The following TIMP2 variants were observed in gnomAD, a reference collection of about 807,000 sequenced individuals.
TIMP2 encodes the protein metalloproteinase inhibitor 2.
In TIMP2, 5 loss-of-function variants were observed where a neutral mutation model predicts 24.3. That is an observed-to-expected ratio of 0.21 (90% CI 0.11 to 0.43). The LOEUF is 0.43. Ranked by LOEUF, TIMP2 falls within the 20% of genes least tolerant of loss-of-function variation. The pLI is 1.00. For missense variants in TIMP2, 221 were observed against 297.5 expected (o/e 0.74, Z 1.89); for synonymous variants, 130 against 123.2 (o/e 1.06, Z -0.37).
At chr17:78,882,049 C>T (rs1019011954) in intron 1 of TIMP2, among the ~76,000 whole-genome samples, 5 of 152,222 alleles carry the variant, frequency 3.3e-5, no homozygotes, top group Admixed American at 1.3e-4. Flanking sequence ...ACTGCAACCT[C>T]GGCCTCCTGG....
chr17:78,916,616 G>A (rs1474279151), intron 1 of TIMP2, among the ~76,000 whole-genome samples: 1 of 152,096 alleles, frequency 6.6e-6, no homozygotes, highest in African/African-American at 2.4e-5. Flanking sequence ...GTGCAGGTGG[G>A]AGCTCTGCTC....
rs62074406 is a variant in TIMP2 at position 78,920,270 on chromosome 17, C to T, written c.130+4689G>A. On this transcript the variant is annotated intron_variant, in intron 1 of 4. Coordinates refer to ENST00000262768, the MANE Select transcript of TIMP2 (RefSeq NM_003255.5). The surrounding 1 kb of genome is among the most constrained non-coding windows in gnomAD (Gnocchi z 4.5). ...TGGCATCTACCTAGCAACCTGGCTG[C>T]GACAGCAGGGAGGAGGGAGGCAGTA... 0.063 allele frequency among the ~76,000 whole-genome samples: 9,655 copies of T among 152,230 alleles called. 477 individuals carry two copies. The highest frequency in any genetic ancestry group is 0.14 in the African/African-American group (5,721 of 41,512).
intron 1 of TIMP2, among the ~76,000 whole-genome samples, chr17:78,883,219 C>T (rs1389328377): frequency 6.6e-6 from 1 of 152,214 alleles, no homozygotes; most frequent in African/African-American, 2.4e-5. Context: ...TAGGAGCACA[C>T]TGGACATCCG....
At chr17:78,894,591 G>T (rs2069968735) in intron 1 of TIMP2, among the ~76,000 whole-genome samples, 1 of 152,144 alleles carries the variant, frequency 6.6e-6, no homozygotes, top group African/African-American at 2.4e-5. Context: ...TGCTGGCACA[G>T]TTGGATATCC....
At chr17:78,902,805 G>C (rs2070115776) in intron 1 of TIMP2, 1 of 152,352 alleles carries the variant, frequency 6.6e-6, no homozygotes. Flanking sequence ...ACCCAGCCTA[G>C]GTCAGGGGTC....
chr17:78,865,653 G>A (rs895196967), intron 3 of TIMP2, among the ~76,000 whole-genome samples: 1 of 146,560 alleles, frequency 6.8e-6, no homozygotes, highest in Non-Finnish European at 1.5e-5. Context: ...TTAGCTGGGC[G>A]TGGTGTTGGG....
chr17:78,863,281 C>T (rs559466071), intron 3 of TIMP2, among the ~76,000 whole-genome samples: 8 of 152,156 alleles, frequency 5.3e-5, no homozygotes, highest in African/African-American at 1.9e-4. Context: ...CTTGCTCTGT[C>T]GCCCAGGCTA....
intron 1 of TIMP2, among the ~76,000 whole-genome samples, chr17:78,910,522 T>C (rs9909799): frequency 1 from 152,084 of 152,340 alleles, 75,919 homozygotes; most frequent in Middle Eastern, 1. Flanking sequence ...AACAGTGACA[T>C]GGAACACTAT....
intron 1 of TIMP2, among the ~76,000 whole-genome samples, chr17:78,908,122 G>T (rs963180656): frequency 2.0e-5 from 3 of 152,122 alleles, no homozygotes; most frequent in Non-Finnish European, 2.9e-5. Context: ...GTGACAAAGC[G>T]AGACACTGTC....
chr17:78,896,752 G>T lies in TIMP2; in HGVS notation c.131-22833C>A, dbSNP rs1234541049. On this transcript the variant is annotated intron_variant, in intron 1 of 4. Transcript: ENST00000262768. This position sits in a 1 kb window ranked among gnomAD's most constrained non-coding sequence, Gnocchi z 4.4. The stretch of plus-strand genomic sequence containing the variant: ...AGGAAGGCGAGTGGACACCAATCTG[G>T]CCTCCGGACGGCACCAGGGCCTCCC... Among the ~76,000 whole-genome samples, 2 of 152,086 alleles carry T rather than the reference G, an allele frequency of 1.3e-5. No homozygotes were observed. Among genetic ancestry groups the T allele is most frequent in the Non-Finnish European group, 2.9e-5 (2 of 68,020 alleles).
Position 78,854,079 on chromosome 17 carries a change from T to TG in TIMP2, c.*1587dup, listed in dbSNP as rs1368346020. 6.6e-6 allele frequency: 1 copy of TG among 152,154 alleles called. No individual in the cohort carries two copies. Among genetic ancestry groups the TG allele is most frequent in the Non-Finnish European group, 1.5e-5 (1 of 68,060 alleles). The allele number at this position is 152,154 out of a possible 1,614,324, so 9.4% of individuals were successfully genotyped here. The stretch of plus-strand genomic sequence containing the variant: ...GTGGGCATGGGGGCTGCATGCCACT[T>TG]GGGGGTCAGGAGTCTTAACAGGTGC... On this transcript the variant is annotated 3_prime_UTR_variant, in exon 5 of 5. Transcript: ENST00000262768.
At chr17:78,871,762 C>A (rs553830189) in intron 2 of TIMP2, among the ~76,000 whole-genome samples, 1 of 150,858 alleles carries the variant, frequency 6.6e-6, no homozygotes, top group Non-Finnish European at 1.5e-5. Context: ...AGGAGAATGG[C>A]GTGAACCCAG....
chr17:78,922,405 T>C (rs2070314661), intron 1 of TIMP2: 1 of 152,184 alleles, frequency 6.6e-6, no homozygotes, highest in East Asian at 1.9e-4. Context: ...CAAATGCACA[T>C]CTAGTCAGAT....
intron 1 of TIMP2, among the ~76,000 whole-genome samples, chr17:78,893,110 C>T (rs1018617088): frequency 1.4e-5 from 2 of 138,514 alleles, no homozygotes; most frequent in Admixed American, 1.4e-4. Flanking sequence ...TGGGTGTGTG[C>T]ACATGCACAT....
At chr17:78,890,766 C>T (rs1371320288) in intron 1 of TIMP2, 22 of 1,550,520 alleles carry the variant, frequency 1.4e-5, no homozygotes, top group African/African-American at 2.7e-5. Context: ...TCGTCGTCGG[C>T]GAGGCTGGTG....
At chr17:78,868,786 G>A (rs1489354497) in intron 3 of TIMP2, among the ~76,000 whole-genome samples, 2 of 152,188 alleles carry the variant, frequency 1.3e-5, no homozygotes, top group Non-Finnish European at 2.9e-5. Context: ...GGGGGCTGCT[G>A]GACTGGATGG....
chr17:78,890,954 AGTT>A lies in TIMP2; in HGVS notation c.131-17038_131-17036del, dbSNP rs1205642461. ...GTGTTCCATTTGTTCAAGCGATTCC[AGTT>A]GTTTTTGTCTTCTCTGCTCCATCTC... On this transcript the variant is annotated intron_variant, in intron 1 of 4. Transcript: ENST00000262768. 6 of 1,550,786 alleles carry A rather than the reference AGTT, an allele frequency of 3.9e-6. No homozygotes were observed. In the South Asian group the frequency reaches 5.9e-5, roughly 15 times the overall value.
At chr17:78,918,065 A>ACAC (rs1555652947) in intron 1 of TIMP2, among the ~76,000 whole-genome samples, 1 of 144,812 alleles carries the variant, frequency 6.9e-6, no homozygotes, top group African/African-American at 2.6e-5. Context: ...TGCACACACA[A>ACAC]ACACACACAC....
At chr17:78,893,384 CAGGG>C (rs1568001190) in intron 1 of TIMP2, among the ~76,000 whole-genome samples, 5 of 69,574 alleles carry the variant, frequency 7.2e-5, no homozygotes, top group African/African-American at 4.2e-4. Flanking sequence ...AGTGTGTGTG[CAGGG>C]GTGTGTATGC....
Sources: allele counts gnomAD v4.1 joint callset (sites outside exome capture counted in the v4.1 genomes callset), GRCh38; gene constraint gnomAD v4.1.1; non-coding constraint Gnocchi (gnomAD v3.1); transcripts MANE v1.5; gene names NCBI Gene and HGNC (gene_info 2026-07-23, HGNC 2026-07-21).